CEP83: variants seen among roughly 807,000 people sequenced by gnomAD.
CEP83 encodes the protein centrosomal protein 83, also known as centrosomal protein of 83 kDa.
CEP83 carries 70 observed loss-of-function variants against 101.9 expected under a neutral mutation model. The observed-to-expected ratio is 0.69, with a 90% CI of 0.57 to 0.84. CEP83 has a LOEUF of 0.84. Ranked by LOEUF, CEP83 falls within the 40% of genes least tolerant of loss-of-function variation. CEP83 has a pLI of 0.00. For synonymous variants in CEP83, 264 were observed against 267.9 expected (o/e 0.99, Z 0.14); for missense variants, 715 against 787.2 (o/e 0.91, Z 1.10).
intron 13 of CEP83, among the ~76,000 whole-genome samples, chr12:94,332,379 A>T (rs2059261477): frequency 6.6e-6 from 1 of 152,168 alleles, no homozygotes; most frequent in African/African-American, 2.4e-5. Flanking sequence ...TTTTTTTAGT[A>T]TTCTTACTAT....
intron 8 of CEP83, among the ~76,000 whole-genome samples, chr12:94,373,124 AT>A (rs542940292): frequency 0.015 from 2,265 of 150,212 alleles, 23 homozygotes; most frequent in Non-Finnish European, 0.023. Context: ...AAAATTAGGG[AT>A]TTTTTTTTTA....
At chr12:94,398,215 A>G (rs1386263732) in intron 6 of CEP83, among the ~76,000 whole-genome samples, 1 of 152,238 alleles carries the variant, frequency 6.6e-6, no homozygotes, top group Non-Finnish European at 1.5e-5. Context: ...ATATGCAAAT[A>G]TAATATAATG....
intron 14 of CEP83, among the ~76,000 whole-genome samples, chr12:94,318,913 C>T (rs138046717): frequency 1.1e-4 from 17 of 152,280 alleles, no homozygotes; most frequent in Non-Finnish European, 1.9e-4. Flanking sequence ...CAGGACAATG[C>T]TGGCTTCACA....
chr12:94,350,084 C>T (rs1039489118), intron 11 of CEP83, among the ~76,000 whole-genome samples: 1 of 152,132 alleles, frequency 6.6e-6, no homozygotes, highest in East Asian at 1.9e-4. Flanking sequence ...AAATAATCTA[C>T]AGAATCAATG....
the CEP83 span, among the ~76,000 whole-genome samples, chr12:94,276,302 G>C: frequency 6.6e-6 from 1 of 152,200 alleles, no homozygotes; most frequent in African/African-American, 2.4e-5. Flanking sequence ...TCACCTTGCA[G>C]AGAAATAAGG....
At chr12:94,423,457 C>CTTT (rs763433431) in intron 2 of CEP83, among the ~76,000 whole-genome samples, 4 of 120,564 alleles carry the variant, frequency 3.3e-5, no homozygotes, top group African/African-American at 1.3e-4. Flanking sequence ...TCTGGTTCAA[C>CTTT]TTTTTTTTTT....
chr12:94,426,522 G>A (rs1390971099), intron 2 of CEP83, among the ~76,000 whole-genome samples: 2 of 152,128 alleles, frequency 1.3e-5, no homozygotes, highest in African/African-American at 4.8e-5. Flanking sequence ...AACAAATAAT[G>A]TGCTCACCAT....
At chr12:94,279,402 T>C in the CEP83 span, 2 of 1,391,800 alleles carry the variant, frequency 1.4e-6, no homozygotes, top group East Asian at 2.3e-5. Flanking sequence ...CTAAGGTTTG[T>C]GTCTTTTATG....
chr12:94,443,643 C>T (rs939657573), intron 1 of CEP83, among the ~76,000 whole-genome samples: 1 of 152,044 alleles, frequency 6.6e-6, no homozygotes. Flanking sequence ...CAGGCATGCA[C>T]CACGCCCGGC....
chr12:94,314,589 C>A (rs1050626934), intron 14 of CEP83, among the ~76,000 whole-genome samples: 5 of 152,146 alleles, frequency 3.3e-5, no homozygotes, highest in African/African-American at 1.2e-4. Context: ...ATTGCATAAC[C>A]TAGTATATTC....
chr12:94,435,927 A>G (rs1285198734), intron 1 of CEP83, among the ~76,000 whole-genome samples: 1 of 152,168 alleles, frequency 6.6e-6, no homozygotes, highest in East Asian at 1.9e-4. Flanking sequence ...GACATTCGCC[A>G]GCACCAGCCT....
chr12:94,379,853 T>A (rs1333853772), intron 6 of CEP83, among the ~76,000 whole-genome samples: 3 of 151,916 alleles, frequency 2.0e-5, no homozygotes, highest in Non-Finnish European at 2.9e-5. Flanking sequence ...CAACTATCTA[T>A]CCCCTACCAC....
the CEP83 span, among the ~76,000 whole-genome samples, chr12:94,300,407 G>C: frequency 6.6e-6 from 1 of 152,296 alleles, no homozygotes; most frequent in Non-Finnish European, 1.5e-5. Flanking sequence ...TGAGGCACGT[G>C]CTTGCTTGGC....
At chr12:94,315,689 G>A (rs1017571659) in intron 14 of CEP83, among the ~76,000 whole-genome samples, 5 of 151,468 alleles carry the variant, frequency 3.3e-5, no homozygotes, top group Non-Finnish European at 7.4e-5. Flanking sequence ...TCATCTAGAA[G>A]CTTTATTTTT....
At chr12:94,281,150 A>G in the CEP83 span, among the ~76,000 whole-genome samples, 2 of 152,190 alleles carry the variant, frequency 1.3e-5, no homozygotes, top group East Asian at 3.8e-4. Flanking sequence ...ATGGTGGTGC[A>G]CACCTGTGGT....
At chr12:94,361,631 CACA>C (rs1448859745) in intron 11 of CEP83, 1 of 152,048 alleles carries the variant, frequency 6.6e-6, no homozygotes, top group Non-Finnish European at 1.5e-5. Context: ...CAAGTTTCTG[CACA>C]ACAAGGAAAC....
downstream of CEP83, among the ~76,000 whole-genome samples, chr12:94,301,597 A>C (rs569119276): frequency 1.8e-4 from 27 of 152,322 alleles, no homozygotes; most frequent in African/African-American, 6.5e-4. Context: ...AAACTTCGAA[A>C]GAGATGTTTT....
the CEP83 span, among the ~76,000 whole-genome samples, chr12:94,290,308 G>T: frequency 6.6e-6 from 1 of 152,210 alleles, no homozygotes; most frequent in Non-Finnish European, 1.5e-5. Context: ...TATTGCTAAG[G>T]GGGTGCCTGC....
intron 2 of CEP83, among the ~76,000 whole-genome samples, chr12:94,434,584 G>T (rs981984546): frequency 1.3e-5 from 2 of 152,172 alleles, no homozygotes; most frequent in African/African-American, 2.4e-5. Context: ...ACAATATTAG[G>T]TAGGCAAAAG....
Sources: gnomAD v4.1 joint callset for allele counts (sites outside exome capture counted in the v4.1 genomes callset) on GRCh38, gnomAD v4.1.1 for gene constraint, MANE v1.5 for transcripts, NCBI Gene and HGNC (gene_info 2026-07-23, HGNC 2026-07-21) for gene names.